The following PHYHIPL variants were observed in gnomAD, a reference collection of about 807,000 sequenced individuals.
The protein encoded by PHYHIPL is phytanoyl-CoA 2-hydroxylase interacting protein like.
Under a neutral mutation model 33.4 loss-of-function variants are expected in PHYHIPL, and 9 were observed. That is an observed-to-expected ratio of 0.27 (90% CI 0.16 to 0.47). The LOEUF (loss-of-function observed/expected upper bound fraction) is 0.47. Ranked by LOEUF, PHYHIPL falls within the 20% of genes least tolerant of loss-of-function variation. The probability of loss-of-function intolerance (pLI) is 0.99; values close to 1 mark genes in which losing one functional copy is unlikely to be tolerated. For synonymous variants in PHYHIPL, 153 were observed against 154.1 expected, an observed-to-expected ratio of 0.99 and a Z score of 0.05; for missense variants, 365 against 460.7, an observed-to-expected ratio of 0.79 and a Z score of 1.90.
At chr10:59,230,326 A>G (rs1840043807) in intron 1 of PHYHIPL, among the ~76,000 whole-genome samples, 1 of 144,570 alleles carries the variant, frequency 6.9e-6, no homozygotes, top group Non-Finnish European at 1.5e-5. Context: ...TGATTCTCCC[A>G]CCTCAGCCTC....
At chr10:59,241,961 C>T (rs576241676) in intron 4 of PHYHIPL, among the ~76,000 whole-genome samples, 1 of 152,218 alleles carries the variant, frequency 6.6e-6, no homozygotes, top group South Asian at 2.1e-4. Flanking sequence ...ACTTTGAATA[C>T]AGAAACCTTT....
intron 1 of PHYHIPL, chr10:59,206,706 A>G (rs1406103664): frequency 2.3e-6 from 2 of 885,066 alleles, no homozygotes; most frequent in Non-Finnish European, 3.0e-6. Flanking sequence ...AGAAAATTGT[A>G]AAAGTACATA....
chr10:59,209,796 C>A (rs140176119), intron 1 of PHYHIPL, among the ~76,000 whole-genome samples: 15,415 of 152,134 alleles, frequency 0.1, 912 homozygotes, highest in South Asian at 0.2. Flanking sequence ...TTTGACAAAC[C>A]TGACAAAAAC....
chr10:59,206,318 A>G (rs1272092920), intron 1 of PHYHIPL, among the ~76,000 whole-genome samples: 1 of 152,170 alleles, frequency 6.6e-6, no homozygotes, highest in Non-Finnish European at 1.5e-5. Context: ...ACTGCGTGTC[A>G]TACTTTGTCT....
chr10:59,224,497 A>AAAAACAAAAC (rs1554798745), intron 1 of PHYHIPL, among the ~76,000 whole-genome samples: 1 of 70,410 alleles, frequency 1.4e-5, no homozygotes, highest in African/African-American at 3.6e-5. Context: ...AAACAAAACA[A>AAAAACAAAAC]AAAACAAAAC....
At chr10:59,203,236 A>G (rs1416714826) in intron 1 of PHYHIPL, among the ~76,000 whole-genome samples, 1 of 152,218 alleles carries the variant, frequency 6.6e-6, no homozygotes, top group Non-Finnish European at 1.5e-5. Context: ...CACACCAGTT[A>G]GAATGGTGAT....
chr10:59,178,759 A>C (rs1838322033), intron 1 of PHYHIPL, among the ~76,000 whole-genome samples: 1 of 152,186 alleles, frequency 6.6e-6, no homozygotes. Context: ...GAGTGCAAAA[A>C]ATAATGCTGT....
chr10:59,232,326 A>T (rs577776034), intron 1 of PHYHIPL, among the ~76,000 whole-genome samples: 22 of 152,148 alleles, frequency 1.4e-4, no homozygotes, highest in African/African-American at 5.1e-4. Context: ...TTTTGTGATG[A>T]GTAGCTTGAA....
intron 1 of PHYHIPL, chr10:59,183,526 A>T: frequency 3.4e-6 from 1 of 297,082 alleles, no homozygotes; most frequent in Non-Finnish European, 5.0e-6. Context: ...CTTCAGTTTT[A>T]CAGTGACTTT....
At chr10:59,182,058 A>T (rs578042080) in intron 1 of PHYHIPL, among the ~76,000 whole-genome samples, 1 of 152,310 alleles carries the variant, frequency 6.6e-6, no homozygotes, top group Non-Finnish European at 1.5e-5. Context: ...TTATGTGAGT[A>T]TACTTTCCTG....
chr10:59,185,509 T>G (rs988097755), intron 1 of PHYHIPL, among the ~76,000 whole-genome samples: 11 of 152,138 alleles, frequency 7.2e-5, no homozygotes, highest in Non-Finnish European at 1.5e-4. Flanking sequence ...CAAATGGTAT[T>G]TCTAATTCTA....
chr10:59,217,953 C>A (rs1839662821), intron 1 of PHYHIPL, among the ~76,000 whole-genome samples: 1 of 152,096 alleles, frequency 6.6e-6, no homozygotes, highest in South Asian at 2.1e-4. Context: ...ATACTCTATT[C>A]ATTCATTGCT....
chr10:59,197,366 T>G (rs1382271215), intron 1 of PHYHIPL, among the ~76,000 whole-genome samples: 1 of 152,214 alleles, frequency 6.6e-6, no homozygotes, highest in Non-Finnish European at 1.5e-5. Flanking sequence ...CTGTCTTCCC[T>G]GTTAAGAAAC....
intron 1 of PHYHIPL, among the ~76,000 whole-genome samples, chr10:59,199,831 T>G (rs953054627): frequency 2.0e-5 from 3 of 152,076 alleles, no homozygotes; most frequent in African/African-American, 4.8e-5. Context: ...GTGAATGGAA[T>G]TTCACTCATG....
chr10:59,177,409 T>G, intron 1 of PHYHIPL: 1 of 1,425,004 alleles, frequency 7.0e-7, no homozygotes, highest in African/African-American at 1.4e-5. Flanking sequence ...CATTTTCTTT[T>G]TTAAACCTCC....
intron 1 of PHYHIPL, among the ~76,000 whole-genome samples, chr10:59,233,161 A>T (rs1305897844): frequency 6.6e-6 from 1 of 151,950 alleles, no homozygotes; most frequent in African/African-American, 2.4e-5. Context: ...TTAGTTTTTG[A>T]TTGCCTTTGA....
chr10:59,244,861 T>G (rs1840592228), intron 4 of PHYHIPL, among the ~76,000 whole-genome samples, 196 bp from the exon 5 acceptor site: 1 of 152,168 alleles, frequency 6.6e-6, no homozygotes, highest in South Asian at 2.1e-4. Context: ...TAGCAGCTCA[T>G]CCTTACCTTA....
intron 1 of PHYHIPL, among the ~76,000 whole-genome samples, chr10:59,223,275 T>C (rs1839829808): frequency 6.6e-6 from 1 of 152,206 alleles, no homozygotes; most frequent in African/African-American, 2.4e-5. Context: ...ACTTTGCTCT[T>C]TAACTTTGTT....
intron 1 of PHYHIPL, among the ~76,000 whole-genome samples, chr10:59,179,603 G>A (rs900111172): frequency 6.6e-6 from 1 of 152,018 alleles, no homozygotes; most frequent in African/African-American, 2.4e-5. Flanking sequence ...TTTTCATACT[G>A]TATCAACCAA....
Sources: allele counts gnomAD v4.1 joint callset (sites outside exome capture counted in the v4.1 genomes callset), GRCh38; gene constraint gnomAD v4.1.1; transcripts MANE v1.5; gene names NCBI Gene and HGNC (gene_info 2026-07-23, HGNC 2026-07-21).